The following CLEC2D variants were observed in gnomAD, a reference collection of about 807,000 sequenced individuals.
The protein encoded by CLEC2D is C-type lectin related f.
A neutral mutation model predicts 20.0 loss-of-function variants in CLEC2D; 16 were observed. That is an observed-to-expected ratio of 0.80 (90% CI 0.54 to 1.22). The LOEUF (loss-of-function observed/expected upper bound fraction) is 1.22. Ranked by LOEUF, CLEC2D falls within the 50% of genes most tolerant of loss-of-function variation. The pLI is 0.00. For missense variants in CLEC2D, 207 were observed against 221.5 expected (o/e 0.93, Z 0.42); for synonymous variants, 77 against 71.1 (o/e 1.08, Z -0.42).
rs754550182 is a variant in CLEC2D at position 9,697,487 on chromosome 12, C to G, written c.*2613C>G. ...CATGGGTAAATCTCTGTTCTGGGCT[C>G]TCAGCTCTGAAGGCTGTGAGACCCC... is the stretch of plus-strand genomic sequence containing the variant. On this transcript the variant is annotated 3_prime_UTR_variant, in exon 5 of 5. Transcript: ENST00000290855. The G allele has an allele frequency of 6.6e-6, 1 of 152,102 alleles. No homozygotes were observed. Among genetic ancestry groups the G allele is most frequent in the East Asian group, 1.9e-4 (1 of 5,196 alleles). 9.4% of individuals were successfully genotyped at this position (152,102 alleles called of 1,614,324 possible). A position where few individuals can be genotyped will look rare whatever the true frequency, so the allele number is the denominator to read the frequency against.
rs1226655704 is a variant in CLEC2D at position 9,683,322 on chromosome 12, G to GTTTTTTTTTTT, written c.172+2295_172+2296insTTTTTTTTTTT. On this transcript the variant is annotated intron_variant, in intron 2 of 4. Coordinates refer to ENST00000290855, the MANE Select transcript of CLEC2D (RefSeq NM_013269.6). ...TGCCTGTTCACTCTGATGATAGTTT[G>GTTTTTTTTTTT]TTTTTTGTGTTTGTTTTTTTTTTTT... Among the ~76,000 whole-genome samples, 2 of 80,880 alleles carry GTTTTTTTTTTT rather than the reference G, an allele frequency of 2.5e-5. 1 individual carries two copies. 53.1% of individuals were successfully genotyped at this position (80,880 alleles called of 152,430 possible). A position where few individuals can be genotyped will look rare whatever the true frequency, so the allele number is the denominator to read the frequency against.
chr12:9,678,805 G>T (rs138818137), intron 1 of CLEC2D, among the ~76,000 whole-genome samples: 121 of 152,148 alleles, frequency 8.0e-4, no homozygotes, highest in African/African-American at 2.7e-3. Flanking sequence ...TGTCTCAAAG[G>T]GTTGGGATTA....
rs758819946 is a variant in CLEC2D at position 9,673,058 on chromosome 12, C to T, written c.61+3263C>T. Among the ~76,000 whole-genome samples the T allele has an allele frequency of 2.0e-5, 3 of 152,272 alleles. No individual in the cohort carries two copies. In the East Asian group the frequency reaches 5.8e-4, roughly 29 times the overall value. On this transcript the variant is annotated intron_variant, in intron 1 of 4. Coordinates refer to ENST00000290855, the MANE Select transcript of CLEC2D (RefSeq NM_013269.6). ...GTTATTACCAACTTTCTGAAGCCTA[C>T]TTCTGTCAGTTTATCCATCTCAGCT...
Position 9,695,685 on chromosome 12 carries a change from G to A in CLEC2D, c.*811G>A. ...AAATAACACCACCAGTGGACTTAAG[G>A]TTGAAGTGTGGTTCAGGGCCAGTGC... On this transcript the variant is annotated 3_prime_UTR_variant, in exon 5 of 5. Coordinates refer to ENST00000290855, the MANE Select transcript of CLEC2D (RefSeq NM_013269.6). 1 of 1,573,474 alleles carries A rather than the reference G, an allele frequency of 6.4e-7. No homozygotes were observed. The highest frequency in any genetic ancestry group is 8.7e-7 in the Non-Finnish European group (1 of 1,153,562).
chr12:9,682,072 G>A (rs1261299547), intron 2 of CLEC2D, among the ~76,000 whole-genome samples: 1 of 152,020 alleles, frequency 6.6e-6, no homozygotes, highest in African/African-American at 2.4e-5. Flanking sequence ...TGACACTTAT[G>A]ACTGTTTTCC....
chr12:9,687,616 C>T (rs144991713), intron 2 of CLEC2D, among the ~76,000 whole-genome samples: 8 of 152,258 alleles, frequency 5.3e-5, no homozygotes, highest in African/African-American at 1.9e-4. Context: ...GAAAGGGTAA[C>T]ACTGTTGAGA....
chr12:9,681,879 T>C (rs1468710160), intron 2 of CLEC2D, among the ~76,000 whole-genome samples: 1 of 152,216 alleles, frequency 6.6e-6, no homozygotes, highest in Non-Finnish European at 1.5e-5. Flanking sequence ...TATACATTTA[T>C]GAAGCAAAAA....
chr12:9,695,286 C>A lies in CLEC2D; in HGVS notation c.*412C>A. On this transcript the variant is annotated 3_prime_UTR_variant, in exon 5 of 5. Coordinates refer to ENST00000290855, the MANE Select transcript of CLEC2D (RefSeq NM_013269.6). ...ATCTTGAGACAAGAACAGTATGGGGCTCCCTGGTGTGATTCCGTCCTGCGC... is the reference window on the plus strand; with the variant it reads ...ATCTTGAGACAAGAACAGTATGGGGATCCCTGGTGTGATTCCGTCCTGCGC... 2 of 715,504 alleles carry A rather than the reference C, an allele frequency of 2.8e-6. No homozygotes were observed. The highest frequency in any genetic ancestry group is 1.5e-5 in the South Asian group (1 of 67,706). The allele number at this position is 715,504 out of a possible 1,614,324, so 44.3% of individuals were successfully genotyped here. A position where few individuals can be genotyped will look rare whatever the true frequency, so the allele number is the denominator to read the frequency against.
Position 9,696,119 on chromosome 12 carries a change from G to C in CLEC2D, c.*1245G>C, listed in dbSNP as rs774409715. On this transcript the variant is annotated 3_prime_UTR_variant, in exon 5 of 5. Coordinates refer to ENST00000290855, the MANE Select transcript of CLEC2D (RefSeq NM_013269.6). The stretch of plus-strand genomic sequence containing the variant: ...AAAATGCAAGCAAGTATAGAAAAAC[G>C]TGGTTCTCTTCCCAAAGTGGAAACC... 2.0e-6 allele frequency: 2 copies of C among 1,010,930 alleles called. No individual in the cohort carries two copies. Among genetic ancestry groups the C allele is most frequent in the South Asian group, 2.5e-5 (2 of 79,070 alleles). The allele number at this position is 1,010,930 out of a possible 1,614,324, so 62.6% of individuals were successfully genotyped here.
intron 2 of CLEC2D, 97 bp from the exon 3 acceptor site, chr12:9,687,805 A>G: frequency 1.5e-6 from 1 of 662,106 alleles, no homozygotes; most frequent in Non-Finnish European, 2.3e-6. Flanking sequence ...TTAATACTTA[A>G]CAGGAGTGTC....
At position 9,697,518 on chromosome 12, in the gene CLEC2D, T is replaced by C. The variant is rs1044807875; in HGVS notation, c.*2644T>C. 3.4e-5 allele frequency: 5 copies of C among 148,672 alleles called. No homozygotes were observed. Among genetic ancestry groups the C allele is most frequent in the Non-Finnish European group, 5.9e-5 (4 of 67,798 alleles). The allele number at this position is 148,672 out of a possible 1,614,324, so 9.2% of individuals were successfully genotyped here. On this transcript the variant is annotated 3_prime_UTR_variant, in exon 5 of 5. Coordinates refer to ENST00000290855, the MANE Select transcript of CLEC2D (RefSeq NM_013269.6). ...TCTGAAGGCTGTGAGACCCCTGATT[T>C]CCCACTTCACACCTCTATATTTCTG... is the stretch of plus-strand genomic sequence containing the variant.
Position 9,698,371 on chromosome 12 carries a change from A to G in CLEC2D, c.*3497A>G, listed in dbSNP as rs1866050364. 6.6e-6 allele frequency: 1 copy of G among 152,196 alleles called. No individual in the cohort carries two copies. Among genetic ancestry groups the G allele is most frequent in the South Asian group, 2.1e-4 (1 of 4,832 alleles). 9.4% of individuals were successfully genotyped at this position (152,196 alleles called of 1,614,324 possible). ...TACTACCCTGTGACATGTGGGGAAC[A>G]TCTCTCTATTCCCCAGCCCCAGTCC... is the stretch of plus-strand genomic sequence containing the variant. On this transcript the variant is annotated 3_prime_UTR_variant, in exon 5 of 5. Coordinates refer to ENST00000290855, the MANE Select transcript of CLEC2D (RefSeq NM_013269.6).
rs1287131657 is a variant in CLEC2D, at chr12:9,698,366, G to A, written c.*3492G>A. On this transcript the variant is annotated 3_prime_UTR_variant, in exon 5 of 5. Transcript: ENST00000290855. ...AAACCTACTACCCTGTGACATGTGG[G>A]GAACATCTCTCTATTCCCCAGCCCC... The A allele has an allele frequency of 2.0e-5, 3 of 152,156 alleles. No homozygotes were observed. The highest frequency in any genetic ancestry group is 7.2e-5 in the African/African-American group (3 of 41,476). The allele number at this position is 152,156 out of a possible 1,614,324, so 9.4% of individuals were successfully genotyped here. A position where few individuals can be genotyped will look rare whatever the true frequency, so the allele number is the denominator to read the frequency against.
At position 9,695,583 on chromosome 12, in the gene CLEC2D, C is replaced by T. The variant is rs61753423; in HGVS notation, c.*709C>T. The T allele has an allele frequency of 0.026, 39,261 of 1,516,676 alleles. 729 individuals carry two copies. The highest frequency in any genetic ancestry group is 0.049 in the South Asian group (4,387 of 89,286). The allele number at this position is 1,516,676 out of a possible 1,614,324, so 94.0% of individuals were successfully genotyped here. The stretch of plus-strand genomic sequence containing the variant: ...TTGTTGAAGCAGAGGCCATGAATGA[C>T]GAAGGCAGTCCAATTAAAGTAACAC... On this transcript the variant is annotated 3_prime_UTR_variant, in exon 5 of 5. Coordinates refer to ENST00000290855, the MANE Select transcript of CLEC2D (RefSeq NM_013269.6).
At chr12:9,675,813 A>G (rs11052342) in intron 1 of CLEC2D, among the ~76,000 whole-genome samples, 1 of 152,276 alleles carries the variant, frequency 6.6e-6, no homozygotes, top group Non-Finnish European at 1.5e-5. Flanking sequence ...CATTGATTTC[A>G]TTCATCAGTT....
In CLEC2D at chr12:9,694,649, C is replaced by G. The variant is rs1434447794; in HGVS notation, c.462-111C>G. The G allele has an allele frequency of 7.4e-6, 5 of 679,138 alleles. No homozygotes were observed. In the East Asian group the frequency reaches 1.4e-4, roughly 19 times the overall value. 42.1% of individuals were successfully genotyped at this position (679,138 alleles called of 1,614,324 possible). A position where few individuals can be genotyped will look rare whatever the true frequency, so the allele number is the denominator to read the frequency against. On this transcript the variant is annotated intron_variant, in intron 4 of 4. Transcript: ENST00000290855. ...GTCACCACTACACAAGGAAAAACAGCATTATTTTTAGAGGCTGAATTAATG... is the reference window on the plus strand; with the variant it reads ...GTCACCACTACACAAGGAAAAACAGGATTATTTTTAGAGGCTGAATTAATG...
chr12:9,697,926 G>A lies in CLEC2D; in HGVS notation c.*3052G>A, dbSNP rs375638694. ...AGATTTTAGATATTCTTACCACACA[G>A]ACAAAAAGAAATGTAAGTATGTGAG... On this transcript the variant is annotated 3_prime_UTR_variant, in exon 5 of 5. Coordinates refer to ENST00000290855, the MANE Select transcript of CLEC2D (RefSeq NM_013269.6). 1 of 149,330 alleles carries A rather than the reference G, an allele frequency of 6.7e-6. No homozygotes were observed. The highest frequency in any genetic ancestry group is 1.5e-5 in the Non-Finnish European group (1 of 66,906). 9.3% of individuals were successfully genotyped at this position (149,330 alleles called of 1,614,324 possible).
At chr12:9,677,343 T>A (rs1178877551) in intron 1 of CLEC2D, among the ~76,000 whole-genome samples, 1 of 152,194 alleles carries the variant, frequency 6.6e-6, no homozygotes, top group Non-Finnish European at 1.5e-5. Context: ...TTTTAAAACT[T>A]CTATTGTGAT....
At chr12:9,670,734 A>G (rs965327226) in intron 1 of CLEC2D, among the ~76,000 whole-genome samples, 2 of 152,212 alleles carry the variant, frequency 1.3e-5, no homozygotes, top group Non-Finnish European at 2.9e-5. Context: ...TTAGCAAGCA[A>G]TCACCCTGGT....
Sources: gnomAD v4.1 joint callset for allele counts (sites outside exome capture counted in the v4.1 genomes callset) on GRCh38, gnomAD v4.1.1 for gene constraint, MANE v1.5 for transcripts, NCBI Gene and HGNC (gene_info 2026-07-23, HGNC 2026-07-21) for gene names.